Variants in SLC35F4 observed in about 807,000 individuals in gnomAD.
SLC35F4 encodes solute carrier family 35 member F4.
A neutral mutation model predicts 44.2 loss-of-function variants in SLC35F4; 24 were observed. The ratio of observed to expected loss-of-function variants is 0.54; its 90% CI spans 0.39 to 0.76. The LOEUF is 0.76. Among genes scored for constraint, SLC35F4 ranks in the 30% least tolerant of loss-of-function variants. The probability of loss-of-function intolerance (pLI) is 0.00; values close to 1 mark genes in which losing one functional copy is unlikely to be tolerated. For missense variants in SLC35F4, 562 were observed against 586.1 expected, an observed-to-expected ratio of 0.96 and a Z score of 0.42; for synonymous variants, 238 against 223.6, an observed-to-expected ratio of 1.06 and a Z score of -0.57.
At chr14:57,630,632 G>C (rs182378965) in intron 1 of SLC35F4, 1 of 763,738 alleles carries the variant, frequency 1.3e-6, no homozygotes, top group Non-Finnish European at 2.3e-6. Context: ...CACAGTCTAT[G>C]TTTAGGTCAA....
At chr14:57,918,954 G>T (rs1420136661) in intron 1 of SLC35F4, among the ~76,000 whole-genome samples, 2 of 152,192 alleles carry the variant, frequency 1.3e-5, no homozygotes, top group African/African-American at 4.8e-5. Flanking sequence ...TTCCCCTTCT[G>T]TAGTGTGCAT....
intron 1 of SLC35F4, among the ~76,000 whole-genome samples, chr14:57,927,223 T>C (rs1177402892): frequency 6.6e-6 from 1 of 152,208 alleles, no homozygotes; most frequent in African/African-American, 2.4e-5. Flanking sequence ...GTGGTAGCTA[T>C]TAAAGCTTGA....
At chr14:57,869,064 A>G (rs755372749), upstream of SLC35F4, among the ~76,000 whole-genome samples, 3 of 152,196 alleles carry the variant, frequency 2.0e-5, no homozygotes, top group Non-Finnish European at 4.4e-5. Context: ...TTTTTAATGC[A>G]TCAAGCAGAG....
At chr14:57,958,152 G>A (rs9989146) in intron 1 of SLC35F4, among the ~76,000 whole-genome samples, 34,754 of 151,802 alleles carry the variant, frequency 0.23, 4,253 homozygotes, top group East Asian at 0.34. Context: ...CTGCCTCCCA[G>A]GTTCACGCCG....
chr14:57,713,304 A>G (rs973621773), intron 1 of SLC35F4, among the ~76,000 whole-genome samples: 2 of 152,118 alleles, frequency 1.3e-5, no homozygotes, highest in East Asian at 1.9e-4. Flanking sequence ...TTTCTTTCCC[A>G]TTAAAACCCT....
Position 57,795,075 on chromosome 14 carries a change from G to A in SLC35F4, c.103+70648C>T, listed in dbSNP as rs535871923. 3.3e-5 allele frequency among the ~76,000 whole-genome samples: 5 copies of A among 152,176 alleles called. No homozygotes were observed. In the South Asian group the frequency reaches 1.0e-3, roughly 32 times the overall value. ...TAAAATTAGCTCCCTTCCTCAAAAG[G>A]TTGTAACTAGGATTTAAATGAGCTA... is the stretch of plus-strand genomic sequence containing the variant. On this transcript the variant is annotated intron_variant, in intron 1 of 7. Coordinates refer to ENST00000556826, the MANE Select transcript of SLC35F4 (RefSeq NM_001306087.2).
intron 1 of SLC35F4, among the ~76,000 whole-genome samples, chr14:57,730,921 G>A (rs1455449341): frequency 6.6e-6 from 1 of 152,226 alleles, no homozygotes; most frequent in Non-Finnish European, 1.5e-5. Context: ...CATGGTGAAA[G>A]ATACACGGCT....
At position 57,692,710 on chromosome 14, in the gene SLC35F4, T is replaced by C. The variant is rs145515436; in HGVS notation, c.104-98586A>G. Among the ~76,000 whole-genome samples, 332 of 152,202 alleles carry C rather than the reference T, an allele frequency of 2.2e-3. 1 individual carries two copies. Among genetic ancestry groups the C allele is most frequent in the African/African-American group, 7.1e-3 (295 of 41,522 alleles). On this transcript the variant is annotated intron_variant, in intron 1 of 7. Coordinates refer to ENST00000556826, the MANE Select transcript of SLC35F4 (RefSeq NM_001306087.2). ...GATAAATTCTCATGTTAATCTGTAG[T>C]GAGGGATCAGCTTCTTTTTGTTCAT... is the stretch of plus-strand genomic sequence containing the variant.
intron 1 of SLC35F4, among the ~76,000 whole-genome samples, chr14:57,979,567 A>C (rs1881317879): frequency 6.6e-6 from 1 of 152,156 alleles, no homozygotes; most frequent in African/African-American, 2.4e-5. Context: ...TGCAAAGAAT[A>C]CTCAGCTTTC....
At chr14:57,652,162 T>C (rs188273494) in intron 1 of SLC35F4, among the ~76,000 whole-genome samples, 5 of 152,170 alleles carry the variant, frequency 3.3e-5, no homozygotes, top group African/African-American at 9.7e-5. Flanking sequence ...ATGTCTAACT[T>C]CATACATAAG....
chr14:57,934,423 C>T (rs556256194), intron 1 of SLC35F4, among the ~76,000 whole-genome samples: 2 of 151,064 alleles, frequency 1.3e-5, no homozygotes, highest in African/African-American at 2.4e-5. Flanking sequence ...CATAAAAAAG[C>T]AAGCAGTATG....
chr14:57,709,375 C>G (rs899273261), intron 1 of SLC35F4, among the ~76,000 whole-genome samples: 1 of 152,054 alleles, frequency 6.6e-6, no homozygotes, highest in African/African-American at 2.4e-5. Flanking sequence ...CACTATGTCC[C>G]CTCAGCTCCT....
intron 1 of SLC35F4, among the ~76,000 whole-genome samples, chr14:57,845,388 C>T (rs372857507): frequency 7.2e-5 from 11 of 152,174 alleles, no homozygotes; most frequent in African/African-American, 2.4e-4. Context: ...ATAATGAAAT[C>T]GTATATGCTA....
intron 1 of SLC35F4, among the ~76,000 whole-genome samples, chr14:57,800,747 C>T (rs1048127791): frequency 6.6e-6 from 1 of 151,552 alleles, no homozygotes; most frequent in Non-Finnish European, 1.5e-5. Flanking sequence ...TAGAATGGAC[C>T]AAGTGGAGGA....
chr14:57,965,041 G>C (rs1566518392), intron 1 of SLC35F4, among the ~76,000 whole-genome samples: 1 of 146,802 alleles, frequency 6.8e-6, no homozygotes, highest in Non-Finnish European at 1.5e-5. Context: ...ACGACTCCAA[G>C]AGGCCACACT....
At chr14:57,943,145 T>C (rs996062162) in intron 1 of SLC35F4, among the ~76,000 whole-genome samples, 2 of 152,238 alleles carry the variant, frequency 1.3e-5, no homozygotes, top group African/African-American at 4.8e-5. Flanking sequence ...TGGGCCGTAT[T>C]ACTGTATTGC....
chr14:57,923,440 G>A (rs1889481875), intron 1 of SLC35F4, among the ~76,000 whole-genome samples: 1 of 152,196 alleles, frequency 6.6e-6, no homozygotes, highest in Non-Finnish European at 1.5e-5. Context: ...CAGTCCTGAA[G>A]TGTATCAAGC....
intron 1 of SLC35F4, among the ~76,000 whole-genome samples, chr14:57,799,904 C>T (rs947304256): frequency 8.5e-5 from 13 of 152,154 alleles, no homozygotes; most frequent in Admixed American, 3.3e-4. Context: ...ACCATCTCTG[C>T]GGTTCAGTCA....
chr14:57,837,416 T>C (rs1885044199), intron 1 of SLC35F4: 1 of 152,216 alleles, frequency 6.6e-6, no homozygotes, highest in Non-Finnish European at 1.5e-5. Flanking sequence ...GAAAGTTTGT[T>C]TGGCTCAAAT....
Sources: allele counts gnomAD v4.1 joint callset (sites outside exome capture counted in the v4.1 genomes callset), GRCh38; gene constraint gnomAD v4.1.1; transcripts MANE v1.5; gene names NCBI Gene and HGNC (gene_info 2026-07-23, HGNC 2026-07-21).